SORCS1: variants seen among roughly 807,000 people sequenced by gnomAD.
The protein encoded by SORCS1 is sortilin related VPS10 domain containing receptor 1.
SORCS1 carries 60 observed loss-of-function variants against 146.1 expected under a neutral mutation model. That is an observed-to-expected ratio of 0.41 (90% CI 0.33 to 0.51). The LOEUF (loss-of-function observed/expected upper bound fraction) is 0.51. Ranked by LOEUF, SORCS1 falls within the 20% of genes least tolerant of loss-of-function variation. The pLI is 0.21. For synonymous variants in SORCS1, 637 were observed against 584.0 expected (o/e 1.09, Z -1.31); for missense variants, 1,352 against 1,487.6 (o/e 0.91, Z 1.50).
intron 5 of SORCS1, among the ~76,000 whole-genome samples, chr10:106,755,853 G>C (rs1435787394): frequency 6.6e-6 from 1 of 152,214 alleles, no homozygotes; most frequent in Non-Finnish European, 1.5e-5. Context: ...CCTAGGCTGG[G>C]CATGGCGGCC....
chr10:106,802,067 T>C (rs1271948514), intron 3 of SORCS1, among the ~76,000 whole-genome samples: 2 of 152,212 alleles, frequency 1.3e-5, no homozygotes, highest in African/African-American at 4.8e-5. Context: ...GATATACATG[T>C]CTAAGCCACT....
chr10:106,612,113 T>A, intron 21 of SORCS1, 90 bp from the exon 22 acceptor site: 1 of 974,408 alleles, frequency 1.0e-6, no homozygotes, highest in Non-Finnish European at 1.6e-6. Flanking sequence ...AAATGGAGGG[T>A]CCTTCCCCTT....
rs1415097462 is a variant in SORCS1, at chr10:107,137,450, A to G, written c.558+26519T>C. On this transcript the variant is annotated intron_variant, in intron 1 of 25. Transcript: ENST00000263054. ...TTTATTTTTACTGCCCTGCCAGACT[A>G]GCCTACATCCCCTCCATATGTACTA... 3.9e-5 allele frequency among the ~76,000 whole-genome samples: 6 copies of G among 152,202 alleles called. 1 individual carries two copies. Among genetic ancestry groups the G allele is most frequent in the Non-Finnish European group, 1.5e-5 (1 of 68,034 alleles).
intron 1 of SORCS1, among the ~76,000 whole-genome samples, chr10:107,019,748 T>C (rs1958051703): frequency 6.6e-6 from 1 of 152,244 alleles, no homozygotes; most frequent in South Asian, 2.1e-4. Context: ...ACAGCAGGTA[T>C]CTGTCAGACG....
the SORCS1 span, among the ~76,000 whole-genome samples, chr10:107,176,998 C>T: frequency 2.6e-5 from 4 of 151,946 alleles, no homozygotes; most frequent in South Asian, 2.1e-4. Context: ...GATTTGTTTT[C>T]GATTTGTTAT....
chr10:106,970,336 C>CTTTTTTTTT (rs766818370), intron 1 of SORCS1, among the ~76,000 whole-genome samples: 2,388 of 89,246 alleles, frequency 0.027, 433 homozygotes, highest in African/African-American at 0.12. Flanking sequence ...ACCAACATCT[C>CTTTTTTTTT]TTTTTTTTTT....
intron 18 of SORCS1, among the ~76,000 whole-genome samples, chr10:106,648,363 T>C (rs1278788730): frequency 6.6e-6 from 1 of 152,190 alleles, no homozygotes; most frequent in African/African-American, 2.4e-5. Flanking sequence ...GAGTCTAATA[T>C]ATATTAGTAT....
At chr10:106,605,373 G>GA (rs778356527) in intron 23 of SORCS1, among the ~76,000 whole-genome samples, 2 of 152,008 alleles carry the variant, frequency 1.3e-5, no homozygotes, top group East Asian at 3.8e-4. Flanking sequence ...AACACTTTTA[G>GA]AAAAAAACAT....
chr10:106,964,983 T>G (rs1955433651), intron 1 of SORCS1, among the ~76,000 whole-genome samples: 1 of 150,694 alleles, frequency 6.6e-6, no homozygotes, highest in Admixed American at 6.7e-5. Flanking sequence ...AGAAACAGAA[T>G]GCTAATAGTG....
chr10:106,894,758 A>G (rs1297797978), intron 2 of SORCS1, among the ~76,000 whole-genome samples: 1 of 152,186 alleles, frequency 6.6e-6, no homozygotes, highest in Non-Finnish European at 1.5e-5. Flanking sequence ...TAAAAAAAAG[A>G]CTTGTTATTT....
At chr10:107,180,696 A>G in the SORCS1 span, among the ~76,000 whole-genome samples, 1 of 152,038 alleles carries the variant, frequency 6.6e-6, no homozygotes, top group South Asian at 2.1e-4. Context: ...TTCTGTTTCT[A>G]GGTTCGTGAG....
intron 1 of SORCS1, among the ~76,000 whole-genome samples, chr10:107,033,786 T>C (rs913291088): frequency 1.3e-5 from 2 of 152,082 alleles, no homozygotes; most frequent in East Asian, 3.9e-4. Flanking sequence ...TTTTCTTAAA[T>C]CCTCACCCCC....
chr10:106,907,957 G>A (rs1379987545), intron 2 of SORCS1, among the ~76,000 whole-genome samples: 1 of 151,650 alleles, frequency 6.6e-6, no homozygotes, highest in African/African-American at 2.4e-5. Flanking sequence ...TTACTTTCTT[G>A]GGAGAGTTTT....
intron 12 of SORCS1, among the ~76,000 whole-genome samples, chr10:106,678,691 G>A (rs2135546110): frequency 6.6e-6 from 1 of 152,236 alleles, no homozygotes; most frequent in East Asian, 1.9e-4. Flanking sequence ...AAGAAAGGCA[G>A]GAAGCACTTA....
intron 22 of SORCS1, among the ~76,000 whole-genome samples, chr10:106,609,622 T>C (rs755090304): frequency 2.0e-5 from 3 of 152,160 alleles, no homozygotes; most frequent in African/African-American, 4.8e-5. Flanking sequence ...CCTTGAAAAC[T>C]AGAAGGTATT....
At chr10:106,700,392 T>C (rs971132066) in intron 8 of SORCS1, among the ~76,000 whole-genome samples, 1 of 152,154 alleles carries the variant, frequency 6.6e-6, no homozygotes, top group Non-Finnish European at 1.5e-5. Flanking sequence ...CCCAAGATAG[T>C]AGTCATAAAA....
At chr10:107,158,913 G>A (rs1453261124) in intron 1 of SORCS1, among the ~76,000 whole-genome samples, 1 of 150,464 alleles carries the variant, frequency 6.6e-6, no homozygotes, top group East Asian at 2.0e-4. Flanking sequence ...AAATGTGGAT[G>A]TAGTTCTGAC....
At chr10:107,065,497 C>CTTT (rs1366579022) in intron 1 of SORCS1, among the ~76,000 whole-genome samples, 1 of 80,860 alleles carries the variant, frequency 1.2e-5, no homozygotes, top group African/African-American at 5.9e-5. Context: ...CCTCTCCTCT[C>CTTT]CTCTCCTCTC....
chr10:106,664,035 C>T (rs898684285), intron 17 of SORCS1, among the ~76,000 whole-genome samples: 10 of 152,256 alleles, frequency 6.6e-5, no homozygotes, highest in South Asian at 6.2e-4. Context: ...AATCTTTAAA[C>T]GGAACAGACG....
Sources: allele counts gnomAD v4.1 joint callset (sites outside exome capture counted in the v4.1 genomes callset), GRCh38; gene constraint gnomAD v4.1.1; transcripts MANE v1.5; gene names NCBI Gene and HGNC (gene_info 2026-07-23, HGNC 2026-07-21).